Variants in SVOPL observed in about 807,000 individuals in gnomAD.
SVOPL encodes putative transporter SVOPL.
A neutral mutation model predicts 61.0 loss-of-function variants in SVOPL; 60 were observed. That is an observed-to-expected ratio of 0.98 (90% CI 0.80 to 1.22). The LOEUF (loss-of-function observed/expected upper bound fraction) is 1.22. Ranked by LOEUF, SVOPL falls within the 50% of genes most tolerant of loss-of-function variation. The pLI is 0.00. For synonymous variants in SVOPL, 279 were observed against 250.0 expected (o/e 1.12, Z -1.09); for missense variants, 662 against 643.9 (o/e 1.03, Z -0.30).
chr7:138,620,770 C>A (rs1032908499), intron 14 of SVOPL, among the ~76,000 whole-genome samples: 2 of 152,166 alleles, frequency 1.3e-5, no homozygotes, highest in Admixed American at 6.6e-5. Flanking sequence ...CTCGTGTTAA[C>A]CATTGTTTTC....
intron 9 of SVOPL, among the ~76,000 whole-genome samples, chr7:138,641,797 T>A (rs1800796104): frequency 9.1e-6 from 1 of 109,352 alleles, no homozygotes; most frequent in African/African-American, 3.3e-5. Context: ...AATCTAGACG[T>A]ATCAAATATA....
intron 14 of SVOPL, among the ~76,000 whole-genome samples, chr7:138,618,337 T>C (rs1052283790): frequency 6.6e-6 from 1 of 152,130 alleles, no homozygotes; most frequent in African/African-American, 2.4e-5. Flanking sequence ...AACTCTGTAG[T>C]AGGTGCTATT....
Position 138,679,025 on chromosome 7 carries a change from C to T in SVOPL, c.21G>A (p.Glu7=). The T allele has an allele frequency of 1.9e-6, 3 of 1,551,596 alleles. No individual in the cohort carries two copies. Among genetic ancestry groups the T allele is most frequent in the South Asian group, 1.2e-5 (1 of 84,054 alleles). ...TCCGAAGGCTGAGGATCGTGACAGG[C>T]TCTGTTGGCTTGGTTGCCATCTTCT... MATKPT[E]PVTILSLRKL... Residue 7 remains glutamate, a synonymous_variant, in exon 2 of 16, where the codon GAG becomes GAA. Transcript: ENST00000674285.
Position 138,682,632 on chromosome 7 carries a change from G to A in SVOPL, c.-34-3553C>T, listed in dbSNP as rs1309471863. On this transcript the variant is annotated intron_variant, in intron 1 of 15. Coordinates refer to ENST00000674285, the MANE Select transcript of SVOPL (RefSeq NM_001139456.2). ...ATCAAATCAAAAATGGACCTTGTTT[G>A]GATGTTCATTCAAACAAATCAACTA... Among the ~76,000 whole-genome samples, 3 of 152,062 alleles carry A rather than the reference G, an allele frequency of 2.0e-5. No homozygotes were observed. In the East Asian group the frequency reaches 5.8e-4, roughly 29 times the overall value.
chr7:138,663,453 T>C (rs895908825), intron 4 of SVOPL: 1 of 1,208,714 alleles, frequency 8.3e-7, no homozygotes, highest in Non-Finnish European at 1.0e-6. Context: ...GAATTTCCAC[T>C]GTAATTTTTA....
Position 138,628,300 on chromosome 7 carries a change from G to A in SVOPL, c.927C>T (p.Asp309=). 2 of 1,614,164 alleles carry A rather than the reference G, an allele frequency of 1.2e-6. No individual in the cohort carries two copies. Among genetic ancestry groups the A allele is most frequent in the Non-Finnish European group, 1.7e-6 (2 of 1,180,024 alleles). The change falls in exon 11 of 16, where the codon GAC becomes GAT. Residue 309 remains aspartate, a synonymous_variant. Coordinates refer to ENST00000674285, the MANE Select transcript of SVOPL (RefSeq NM_001139456.2). ...AGTCTGACTTTGAACCACAGACCAA[G>A]TCCCGCTCCAGCAGCTCAGCACTGG... ...ILASAELLER[D]LVCGSKSDSA... is the part of the protein sequence containing the mutation.
chr7:138,621,866 C>CTATGTATCTATCTATG (rs1563095578), intron 13 of SVOPL, among the ~76,000 whole-genome samples: 7 of 39,020 alleles, frequency 1.8e-4, no homozygotes, highest in African/African-American at 4.0e-4. Flanking sequence ...ATCTATCTAT[C>CTATGTATCTATCTATG]TATCTATCTA....
chr7:138,609,918 G>A (rs189225848), intron 14 of SVOPL, among the ~76,000 whole-genome samples: 6 of 152,144 alleles, frequency 3.9e-5, no homozygotes, highest in African/African-American at 1.2e-4. Flanking sequence ...TAGTAGAGAC[G>A]GGGTTTTGCC....
chr7:138,630,631 A>T lies in SVOPL; in HGVS notation c.790-509T>A, dbSNP rs574918257. 4.3e-4 allele frequency among the ~76,000 whole-genome samples: 66 copies of T among 152,306 alleles called. 1 individual carries two copies. Among genetic ancestry groups the T allele is most frequent in the Admixed American group, 4.3e-3 (66 of 15,282 alleles). On this transcript the variant is annotated intron_variant, in intron 9 of 15. Transcript: ENST00000674285. ...AAGTTCTTGTCCATAGTACCTATTG[A>T]ATAACTTTGGATAAAAACAAGTAAG...
In SVOPL at chr7:138,654,501, T is replaced by TTC. The variant is rs1801607636; in HGVS notation, c.534+1946_534+1947insGA. 4.7e-4 allele frequency among the ~76,000 whole-genome samples: 3 copies of TTC among 6,412 alleles called. No individual in the cohort carries two copies. In the South Asian group the frequency reaches 0.024, roughly 52 times the overall value. 4.2% of individuals were successfully genotyped at this position (6,412 alleles called of 152,430 possible). On this transcript the variant is annotated intron_variant, in intron 7 of 15. Coordinates refer to ENST00000674285, the MANE Select transcript of SVOPL (RefSeq NM_001139456.2). Reference sequence around the variant, plus strand: ...TTTACAGCATGGTTTACTGAGTTTGTTTTTTTTTTTTTTTTTGAGACGGAG... The same window carrying TTC: ...TTTACAGCATGGTTTACTGAGTTTGTTCTTTTTTTTTTTTTTTTGAGACGGAG...
intron 7 of SVOPL, among the ~76,000 whole-genome samples, chr7:138,650,300 A>G (rs1801358906): frequency 6.6e-6 from 1 of 152,134 alleles, no homozygotes; most frequent in South Asian, 2.1e-4. Flanking sequence ...GATGAGGGAC[A>G]GGGAGGGTCC....
At chr7:138,695,908 G>A (rs781483406) in intron 1 of SVOPL, among the ~76,000 whole-genome samples, 28 of 151,656 alleles carry the variant, frequency 1.8e-4, no homozygotes, top group African/African-American at 5.3e-4. Flanking sequence ...TCAGCCTCCC[G>A]AGTAGCTGCG....
chr7:138,635,155 C>G (rs1272787441), intron 9 of SVOPL, among the ~76,000 whole-genome samples: 1 of 151,766 alleles, frequency 6.6e-6, no homozygotes, highest in Admixed American at 6.6e-5. Flanking sequence ...GCCTATAATC[C>G]CAGCTACTTG....
intron 1 of SVOPL, among the ~76,000 whole-genome samples, chr7:138,693,019 C>T (rs1802977473): frequency 6.6e-6 from 1 of 151,904 alleles, no homozygotes; most frequent in African/African-American, 2.4e-5. Flanking sequence ...TGTATAATTA[C>T]AAAAATAGCT....
At chr7:138,657,396 T>A (rs540371735) in intron 6 of SVOPL, among the ~76,000 whole-genome samples, 2 of 152,210 alleles carry the variant, frequency 1.3e-5, no homozygotes, top group South Asian at 4.2e-4. Flanking sequence ...TGCACCTTGG[T>A]TTCCTAAAGG....
chr7:138,677,601 T>C (rs1307350467), intron 3 of SVOPL, among the ~76,000 whole-genome samples: 1 of 152,190 alleles, frequency 6.6e-6, no homozygotes, highest in Non-Finnish European at 1.5e-5. Flanking sequence ...GAGCTAGATC[T>C]TTTTCTTCCA....
At chr7:138,675,961 C>T (rs1425941277) in intron 3 of SVOPL, among the ~76,000 whole-genome samples, 1 of 152,136 alleles carries the variant, frequency 6.6e-6, no homozygotes, top group African/African-American at 2.4e-5. Context: ...GCCTCAGCCT[C>T]CCAAGTAGCT....
chr7:138,622,258 C>CTATG (rs1203061682), intron 13 of SVOPL, among the ~76,000 whole-genome samples: 1 of 87,544 alleles, frequency 1.1e-5, no homozygotes. Context: ...ATCTATGTAT[C>CTATG]TATCTATCTA....
intron 13 of SVOPL, among the ~76,000 whole-genome samples, chr7:138,622,062 C>CTATCTATCTATGTATCTATG (rs1799634132): frequency 1.7e-5 from 1 of 58,750 alleles, no homozygotes; most frequent in Admixed American, 2.3e-4. Flanking sequence ...ATGTATCTAT[C>CTATCTATCTATGTATCTATG]TATCTATGTA....
Sources: allele counts gnomAD v4.1 joint callset (sites outside exome capture counted in the v4.1 genomes callset), GRCh38; gene constraint gnomAD v4.1.1; transcripts MANE v1.5; gene names NCBI Gene and HGNC (gene_info 2026-07-23, HGNC 2026-07-21).